Variants in LRRC37A2 observed in about 807,000 individuals in gnomAD.
LRRC37A2 encodes the protein leucine rich repeat containing 37 member A2, also known as leucine-rich repeat-containing protein 37A2.
In LRRC37A2, 9 loss-of-function variants were observed where a neutral mutation model predicts 68.8. That is an observed-to-expected ratio of 0.13 (90% CI 0.08 to 0.23). The LOEUF is 0.23. LRRC37A2 is among the 10% of genes least tolerant of loss of function. The pLI is 1.00. For missense variants in LRRC37A2, 168 were observed against 950.4 expected (o/e 0.18, Z 10.82); for synonymous variants, 63 against 367.6 (o/e 0.17, Z 9.48).
the LRRC37A2 span, among the ~76,000 whole-genome samples, chr17:46,785,679 G>A: frequency 1.8e-4 from 28 of 152,228 alleles, no homozygotes; most frequent in Admixed American, 1.6e-3. Flanking sequence ...CTGAGAGCCC[G>A]GGAGGACCAT....
chr17:46,866,094 T>C, the LRRC37A2 span, among the ~76,000 whole-genome samples: 7 of 152,076 alleles, frequency 4.6e-5, no homozygotes, highest in Non-Finnish European at 8.8e-5. Context: ...CAAGGTGGCA[T>C]TGGGTGCTGT....
chr17:47,005,749 C>T, the LRRC37A2 span: 1 of 152,184 alleles, frequency 6.6e-6, no homozygotes, highest in Non-Finnish European at 1.5e-5. Flanking sequence ...TGGAGTCTGG[C>T]TGCTTCTTTC....
At chr17:46,989,738 G>A in the LRRC37A2 span, among the ~76,000 whole-genome samples, 1 of 152,252 alleles carries the variant, frequency 6.6e-6, no homozygotes. Flanking sequence ...CAATGGGGCT[G>A]GTCCTCTTCA....
chr17:46,475,812 G>GAA, the LRRC37A2 span, among the ~76,000 whole-genome samples: 3 of 72,956 alleles, frequency 4.1e-5, no homozygotes, highest in African/African-American at 4.8e-5. Context: ...GACTTCTGGG[G>GAA]AAAAAAAAAA....
chr17:46,595,605 C>T, the LRRC37A2 span, among the ~76,000 whole-genome samples: 1 of 131,102 alleles, frequency 7.6e-6, no homozygotes, highest in Admixed American at 7.8e-5. Flanking sequence ...GATTCTCCCG[C>T]CTCAGCCTCC....
At chr17:46,986,102 G>A in the LRRC37A2 span, among the ~76,000 whole-genome samples, 5 of 152,172 alleles carry the variant, frequency 3.3e-5, no homozygotes, top group African/African-American at 1.2e-4. Flanking sequence ...CCTTTAGTAT[G>A]TGGATGTACA....
the LRRC37A2 span, chr17:46,964,755 G>A: frequency 6.6e-6 from 1 of 152,216 alleles, no homozygotes; most frequent in Non-Finnish European, 1.5e-5. Flanking sequence ...GATACCTGGT[G>A]TCCATGACTT....
the LRRC37A2 span, among the ~76,000 whole-genome samples, chr17:46,421,139 A>G: frequency 4.2e-5 from 3 of 72,186 alleles, 1 homozygote; most frequent in Admixed American, 1.3e-4. Context: ...GGGTTTTGCC[A>G]TGTTGGCCAG....
chr17:46,755,806 C>T, the LRRC37A2 span: 4 of 1,610,864 alleles, frequency 2.5e-6, no homozygotes, highest in South Asian at 1.1e-5. Context: ...TTGCAGTAGC[C>T]CCCTTGATTT....
chr17:46,535,073 T>C (rs2145395488), intron 6 of LRRC37A2, among the ~76,000 whole-genome samples: 1 of 148,266 alleles, frequency 6.7e-6, no homozygotes, highest in South Asian at 2.1e-4. Context: ...TTCAAATTTT[T>C]TGTAGAGACA....
the LRRC37A2 span, among the ~76,000 whole-genome samples, chr17:46,918,313 C>G: frequency 6.6e-6 from 1 of 152,148 alleles, no homozygotes; most frequent in Non-Finnish European, 1.5e-5. Context: ...CTCTTGACCT[C>G]GTGATCCGCC....
At chr17:47,047,904 G>C in the LRRC37A2 span, among the ~76,000 whole-genome samples, 1 of 151,102 alleles carries the variant, frequency 6.6e-6, no homozygotes, top group African/African-American at 2.5e-5. Flanking sequence ...TGTAGATTAG[G>C]TTTATTAGCA....
chr17:46,852,001 G>T, the LRRC37A2 span, among the ~76,000 whole-genome samples: 29 of 152,210 alleles, frequency 1.9e-4, no homozygotes, highest in South Asian at 2.1e-3. Flanking sequence ...CTCTGCGCAC[G>T]CCTCGGACCC....
the LRRC37A2 span, chr17:46,728,784 AAC>A: frequency 1.7e-6 from 2 of 1,154,324 alleles, no homozygotes; most frequent in Non-Finnish European, 1.2e-6. Flanking sequence ...AAAAAAAAAA[AAC>A]AAAAACTGAA....
At chr17:46,467,609 A>G in the LRRC37A2 span, among the ~76,000 whole-genome samples, 1 of 101,444 alleles carries the variant, frequency 9.9e-6, no homozygotes, top group Non-Finnish European at 2.1e-5. Flanking sequence ...TGAGTTAGCA[A>G]AGAATTTCCA....
chr17:46,844,663 A>C, the LRRC37A2 span, among the ~76,000 whole-genome samples: 1 of 152,216 alleles, frequency 6.6e-6, no homozygotes, highest in East Asian at 1.9e-4. Flanking sequence ...TTTAGAGAGC[A>C]AGAACTTACT....
the LRRC37A2 span, among the ~76,000 whole-genome samples, chr17:46,839,388 C>A: frequency 6.6e-6 from 1 of 152,172 alleles, no homozygotes; most frequent in Non-Finnish European, 1.5e-5. Context: ...GCAGCACTGG[C>A]GTGGTGTCCA....
the LRRC37A2 span, chr17:46,885,309 A>ATT: frequency 3.8e-3 from 800 of 209,692 alleles, no homozygotes; most frequent in South Asian, 8.6e-3. Context: ...CCTGGCCAGC[A>ATT]TTTTTTTTTT....
chr17:46,392,330 C>G, the LRRC37A2 span, among the ~76,000 whole-genome samples: 7 of 71,124 alleles, frequency 9.8e-5, 2 homozygotes, highest in African/African-American at 2.7e-4. Context: ...ACCTTAGCCC[C>G]CTGAATAACG....
Sources: allele counts gnomAD v4.1 joint callset (sites outside exome capture counted in the v4.1 genomes callset), GRCh38; gene constraint gnomAD v4.1.1; transcripts MANE v1.5; gene names NCBI Gene and HGNC (gene_info 2026-07-23, HGNC 2026-07-21).